The following RARB variants were observed in gnomAD, a reference collection of about 807,000 sequenced individuals.
The protein encoded by RARB is retinoic acid receptor beta.
In RARB, 17 loss-of-function variants were observed where a neutral mutation model predicts 51.9. The observed-to-expected ratio is 0.33, with a 90% CI of 0.22 to 0.49. The LOEUF (loss-of-function observed/expected upper bound fraction) is 0.49, where lower values mean the gene tolerates loss of function less well. Among genes scored for constraint, RARB ranks in the 20% least tolerant of loss-of-function variants. The pLI, the probability that RARB is intolerant of heterozygous loss-of-function variation, is 0.99. For missense variants in RARB, 369 were observed against 550.8 expected (o/e 0.67, Z 3.30); for synonymous variants, 215 against 195.4 (o/e 1.10, Z -0.84).
chr3:25,503,806 G>GA (rs1697432424), intron 3 of RARB, among the ~76,000 whole-genome samples: 1 of 152,164 alleles, frequency 6.6e-6, no homozygotes, highest in African/African-American at 2.4e-5. Flanking sequence ...CAACTGAAAT[G>GA]AAACCAAGAA....
At chr3:25,206,406 G>A (rs1004241944) in intron 5 of RARB, among the ~76,000 whole-genome samples, 1 of 152,154 alleles carries the variant, frequency 6.6e-6, no homozygotes, top group Non-Finnish European at 1.5e-5. Context: ...GGAAAAATGT[G>A]TAAATCACTA....
chr3:25,242,957 ATTTG>A (rs1321939137), intron 5 of RARB, among the ~76,000 whole-genome samples: 8 of 152,138 alleles, frequency 5.3e-5, no homozygotes, highest in Admixed American at 2.0e-4. Flanking sequence ...ATGTTTTTCC[ATTTG>A]TTTGTGTCCT....
In RARB at chr3:25,202,909, T is replaced by C. The variant is rs183800073; in HGVS notation, c.178+28334T>C. Among the ~76,000 whole-genome samples, 1,515 of 152,228 alleles carry C rather than the reference T, an allele frequency of 1.0e-2. 104 individuals carry two copies. Among genetic ancestry groups the C allele is most frequent in the Admixed American group, 0.092 (1,405 of 15,280 alleles). ...TGTGGTGCTGAGAAGAATGTATATT[T>C]TGTTGATTTGGGGTGGAGAGTTCTG... On this transcript the variant is annotated intron_variant, in intron 5 of 11. Transcript: ENST00000383772.
At chr3:25,400,927 T>C (rs2125494238) in intron 5 of RARB, among the ~76,000 whole-genome samples, 1 of 152,148 alleles carries the variant, frequency 6.6e-6, no homozygotes, top group East Asian at 1.9e-4. Flanking sequence ...AATCTGTTTT[T>C]AAGGTATCAG....
At chr3:25,194,049 G>GTATA (rs111400433) in intron 5 of RARB, among the ~76,000 whole-genome samples, 2 of 151,680 alleles carry the variant, frequency 1.3e-5, no homozygotes, top group African/African-American at 4.8e-5. Context: ...ATCATGGTAT[G>GTATA]TATATATATA....
At chr3:25,453,983 T>C (rs1694755730) in intron 1 of RARB, among the ~76,000 whole-genome samples, 1 of 152,214 alleles carries the variant, frequency 6.6e-6, no homozygotes, top group Non-Finnish European at 1.5e-5. Context: ...TAATTCAGGA[T>C]GCGATTCACA....
intron 5 of RARB, among the ~76,000 whole-genome samples, chr3:25,216,505 T>C (rs1231005695): frequency 6.6e-6 from 1 of 151,930 alleles, no homozygotes; most frequent in Non-Finnish European, 1.5e-5. Flanking sequence ...AAACACTGCA[T>C]GTTCTCACTC....
intron 2 of RARB, among the ~76,000 whole-genome samples, chr3:24,964,066 C>A (rs1429902864): frequency 6.6e-6 from 1 of 151,992 alleles, no homozygotes; most frequent in Non-Finnish European, 1.5e-5. Flanking sequence ...CCTTGTTTTT[C>A]TTCTGTTTTG....
At chr3:24,904,193 A>G (rs941920174) in intron 2 of RARB, among the ~76,000 whole-genome samples, 54 of 152,328 alleles carry the variant, frequency 3.5e-4, no homozygotes, top group African/African-American at 1.2e-3. Context: ...TATCTTTAAA[A>G]TGATAATATT....
intron 2 of RARB, among the ~76,000 whole-genome samples, chr3:24,945,811 T>A (rs915430508): frequency 1.3e-5 from 2 of 152,196 alleles, no homozygotes; most frequent in African/African-American, 4.8e-5. Flanking sequence ...CTAAAGTCAG[T>A]GAGGCATCCA....
chr3:24,829,526 C>A (rs1035569465), intron 1 of RARB, among the ~76,000 whole-genome samples: 1 of 149,252 alleles, frequency 6.7e-6, no homozygotes. Context: ...ATCCAGGGAC[C>A]GGCTGCCTAG....
At chr3:25,253,264 A>G (rs1575259721) in intron 5 of RARB, among the ~76,000 whole-genome samples, 1 of 152,122 alleles carries the variant, frequency 6.6e-6, no homozygotes, top group East Asian at 1.9e-4. Flanking sequence ...TCAAAACCTG[A>G]AGGAAAGGAG....
chr3:25,397,887 GA>G (rs11370692), intron 5 of RARB, among the ~76,000 whole-genome samples: 5 of 148,988 alleles, frequency 3.4e-5, no homozygotes, highest in South Asian at 4.2e-4. Flanking sequence ...GTTTTGATTA[GA>G]AAAAAAAAAA....
At chr3:25,398,057 G>T (rs1172370539) in intron 5 of RARB, among the ~76,000 whole-genome samples, 1 of 152,028 alleles carries the variant, frequency 6.6e-6, no homozygotes, top group Non-Finnish European at 1.5e-5. Flanking sequence ...TTGGGGATTT[G>T]GATATGATAT....
At chr3:25,332,837 A>G (rs1704943520) in intron 5 of RARB, among the ~76,000 whole-genome samples, 2 of 152,234 alleles carry the variant, frequency 1.3e-5, no homozygotes, top group Non-Finnish European at 2.9e-5. Flanking sequence ...GTCTCAGGAT[A>G]CAAAATCAAC....
chr3:25,275,898 A>G (rs142811371), intron 5 of RARB, among the ~76,000 whole-genome samples: 10 of 152,378 alleles, frequency 6.6e-5, no homozygotes, highest in Non-Finnish European at 1.3e-4. Flanking sequence ...CGTTGTGCAC[A>G]TGTACCCTAG....
intron 3 of RARB, among the ~76,000 whole-genome samples, chr3:25,082,286 C>T (rs543325914): frequency 5.9e-5 from 9 of 151,998 alleles, no homozygotes; most frequent in African/African-American, 2.2e-4. Context: ...TTTATGTATA[C>T]TATTTTGCTA....
intron 5 of RARB, among the ~76,000 whole-genome samples, chr3:25,293,983 A>G (rs77235295): frequency 0.046 from 6,970 of 152,258 alleles, 398 homozygotes; most frequent in African/African-American, 0.13. Context: ...TACTTTGAAT[A>G]AGCCTTCTTA....
At chr3:25,372,693 G>A (rs1385844379) in intron 5 of RARB, among the ~76,000 whole-genome samples, 2 of 152,116 alleles carry the variant, frequency 1.3e-5, no homozygotes, top group Non-Finnish European at 1.5e-5. Flanking sequence ...AGGCATGGTG[G>A]CGCATGCCTG....
Sources: gnomAD v4.1 joint callset for allele counts (sites outside exome capture counted in the v4.1 genomes callset) on GRCh38, gnomAD v4.1.1 for gene constraint, MANE v1.5 for transcripts, NCBI Gene and HGNC (gene_info 2026-07-23, HGNC 2026-07-21) for gene names.